HHAT: variants seen among roughly 807,000 people sequenced by gnomAD.
The protein encoded by HHAT is hedgehog acyltransferase.
Under a neutral mutation model 70.8 loss-of-function variants are expected in HHAT, and 47 were observed. That is an observed-to-expected ratio of 0.66 (90% CI 0.53 to 0.85). The LOEUF (loss-of-function observed/expected upper bound fraction) is 0.85, where lower values mean the gene tolerates loss of function less well. Ranked by LOEUF, HHAT falls within the 40% of genes least tolerant of loss-of-function variation. The pLI is 0.00. For missense variants in HHAT, 609 were observed against 604.8 expected (o/e 1.01, Z -0.07); for synonymous variants, 228 against 247.6 (o/e 0.92, Z 0.74).
chr1:210,635,879 G>A (rs542805224), intron 11 of HHAT, among the ~76,000 whole-genome samples: 3 of 152,106 alleles, frequency 2.0e-5, no homozygotes, highest in South Asian at 2.1e-4. Flanking sequence ...CTTATTCCAC[G>A]TACTACCTGA....
intron 11 of HHAT, among the ~76,000 whole-genome samples, chr1:210,661,939 A>G (rs1051715066): frequency 6.6e-6 from 1 of 152,268 alleles, no homozygotes; most frequent in Non-Finnish European, 1.5e-5. Flanking sequence ...CATATGTAAC[A>G]AACCTGCATG....
At chr1:210,634,399 G>A (rs535446323) in intron 11 of HHAT, among the ~76,000 whole-genome samples, 12 of 152,188 alleles carry the variant, frequency 7.9e-5, no homozygotes, top group South Asian at 2.1e-4. Context: ...TCCAAGCTGG[G>A]TCGCCTCAGT....
intron 8 of HHAT, among the ~76,000 whole-genome samples, chr1:210,477,339 C>T (rs11119511): frequency 6.6e-6 from 1 of 152,006 alleles, no homozygotes; most frequent in African/African-American, 2.4e-5. Flanking sequence ...TGACTTCTCC[C>T]CTTCTCTGCC....
At chr1:210,622,350 GC>G (rs758341869) in intron 10 of HHAT, among the ~76,000 whole-genome samples, 1 of 152,076 alleles carries the variant, frequency 6.6e-6, no homozygotes, top group Non-Finnish European at 1.5e-5. Flanking sequence ...GATACCCTGG[GC>G]CCCTGCATGT....
At chr1:210,346,635 T>C (rs2086550480) in intron 1 of HHAT, among the ~76,000 whole-genome samples, 1 of 152,252 alleles carries the variant, frequency 6.6e-6, no homozygotes, top group African/African-American at 2.4e-5. Flanking sequence ...GGGTGACTTT[T>C]AGGTAACGAA....
chr1:210,424,017 G>T (rs1307177429), intron 7 of HHAT, among the ~76,000 whole-genome samples: 2 of 152,168 alleles, frequency 1.3e-5, no homozygotes, highest in African/African-American at 4.8e-5. Context: ...GCTTTGGCTG[G>T]TCAGGATCTT....
At chr1:210,425,635 A>G (rs2093040747) in intron 7 of HHAT, among the ~76,000 whole-genome samples, 1 of 152,066 alleles carries the variant, frequency 6.6e-6, no homozygotes, top group Admixed American at 6.6e-5. Context: ...AGGTGTGTTG[A>G]AGTTCATATA....
At chr1:210,493,209 G>A (rs1245535836) in intron 8 of HHAT, among the ~76,000 whole-genome samples, 2 of 151,994 alleles carry the variant, frequency 1.3e-5, no homozygotes, top group Non-Finnish European at 2.9e-5. Flanking sequence ...ATTTTCCAGA[G>A]AAACAGAATC....
intron 11 of HHAT, among the ~76,000 whole-genome samples, chr1:210,660,509 A>AG (rs1192630955): frequency 3.3e-5 from 5 of 152,366 alleles, no homozygotes; most frequent in African/African-American, 1.2e-4. Context: ...TTATAGATTC[A>AG]GTGCCATCCC....
intron 9 of HHAT, among the ~76,000 whole-genome samples, chr1:210,547,827 A>G (rs996398249): frequency 2.0e-5 from 3 of 152,172 alleles, no homozygotes; most frequent in Non-Finnish European, 2.9e-5. Context: ...GTCTGCCTGT[A>G]CTGAATCTGG....
chr1:210,428,483 C>T lies in HHAT; in HGVS notation c.856+10158C>T, dbSNP rs778819625. ...ATATCTGCTTTGGCCAAGCTGGTATCCAATCTAGGACTACACATTGGATCT... is the reference window on the plus strand; with the variant it reads ...ATATCTGCTTTGGCCAAGCTGGTATTCAATCTAGGACTACACATTGGATCT... On this transcript the variant is annotated intron_variant, in intron 7 of 11. Transcript: ENST00000261458. 1.4e-4 allele frequency among the ~76,000 whole-genome samples: 21 copies of T among 151,116 alleles called. No homozygotes were observed. The South Asian group carries it at 4.4e-3, about 31-fold the overall frequency.
chr1:210,497,973 T>G (rs910869369), intron 8 of HHAT, among the ~76,000 whole-genome samples: 1 of 152,096 alleles, frequency 6.6e-6, no homozygotes, highest in Non-Finnish European at 1.5e-5. Context: ...GCCAGGATGG[T>G]CTCGATCTCT....
chr1:210,456,820 G>C (rs896036929), intron 7 of HHAT, among the ~76,000 whole-genome samples: 1 of 152,176 alleles, frequency 6.6e-6, no homozygotes, highest in Non-Finnish European at 1.5e-5. Context: ...AGAGATGACT[G>C]AATTCCTTTT....
chr1:210,630,926 G>A (rs1045174881), intron 11 of HHAT: 2 of 398,062 alleles, frequency 5.0e-6, no homozygotes, highest in African/African-American at 2.1e-5. Flanking sequence ...GGAAACTGAA[G>A]CCATATAATT....
Position 210,423,878 on chromosome 1 carries a change from A to G in HHAT, c.856+5553A>G, listed in dbSNP as rs529298894. 6.6e-5 allele frequency among the ~76,000 whole-genome samples: 10 copies of G among 152,230 alleles called. 1 individual carries two copies. The South Asian group carries it at 2.1e-3, about 32-fold the overall frequency. ...ATGTGGATTAATTTCTGGATTCTCT[A>G]TTCTTTTATATTGATCTACATGCCT... On this transcript the variant is annotated intron_variant, in intron 7 of 11. Transcript: ENST00000261458.
At chr1:210,385,262 T>TC (rs971660608) in intron 3 of HHAT, among the ~76,000 whole-genome samples, 3 of 151,602 alleles carry the variant, frequency 2.0e-5, no homozygotes, top group African/African-American at 4.8e-5. Context: ...CTTTTTTTTT[T>TC]TTTTTCTTTT....
intron 9 of HHAT, among the ~76,000 whole-genome samples, chr1:210,556,335 C>G (rs536728995): frequency 1.3e-5 from 2 of 152,306 alleles, no homozygotes; most frequent in South Asian, 4.2e-4. Context: ...AAGGTCAGTT[C>G]TCCCAGGGCA....
At chr1:210,341,940 T>C (rs1461204666) in intron 1 of HHAT, among the ~76,000 whole-genome samples, 2 of 152,204 alleles carry the variant, frequency 1.3e-5, no homozygotes, top group Non-Finnish European at 2.9e-5. Flanking sequence ...ACATCTAGTA[T>C]TAAATGCACG....
chr1:210,536,200 A>T (rs1010406155), intron 9 of HHAT, among the ~76,000 whole-genome samples: 4 of 152,250 alleles, frequency 2.6e-5, no homozygotes, highest in African/African-American at 9.6e-5. Flanking sequence ...AGCCTATGTG[A>T]AAGTTCTGGG....
Sources: allele counts gnomAD v4.1 joint callset (sites outside exome capture counted in the v4.1 genomes callset), GRCh38; gene constraint gnomAD v4.1.1; transcripts MANE v1.5; gene names NCBI Gene and HGNC (gene_info 2026-07-23, HGNC 2026-07-21).